Variants in PPP6R3 observed in about 807,000 individuals in gnomAD.
PPP6R3 encodes protein phosphatase 6 regulatory subunit 3.
Under a neutral mutation model 110.7 loss-of-function variants are expected in PPP6R3, and 38 were observed. The observed-to-expected ratio is 0.34, with a 90% CI of 0.26 to 0.45. The LOEUF is 0.45. Ranked by LOEUF, PPP6R3 falls within the 20% of genes least tolerant of loss-of-function variation. PPP6R3 has a pLI of 1.00. For synonymous variants in PPP6R3, 369 were observed against 373.5 expected, an observed-to-expected ratio of 0.99 and a Z score of 0.14; for missense variants, 870 against 1,062.4, an observed-to-expected ratio of 0.82 and a Z score of 2.52.
At chr11:68,612,869 A>G (rs1056458436) in intron 23 of PPP6R3, 197 bp from the exon 24 acceptor site, 10 of 1,073,770 alleles carry the variant, frequency 9.3e-6, no homozygotes, top group Non-Finnish European at 1.3e-5. Flanking sequence ...TCACCCGGTG[A>G]TGAAGCTTAG....
chr11:68,493,162 C>T (rs1348342933), intron 1 of PPP6R3, among the ~76,000 whole-genome samples: 2 of 152,172 alleles, frequency 1.3e-5, no homozygotes, highest in African/African-American at 4.8e-5. Flanking sequence ...TATGTAGGGT[C>T]TAAGTGCTAA....
intron 1 of PPP6R3, among the ~76,000 whole-genome samples, chr11:68,464,727 C>T (rs1358469215): frequency 6.6e-6 from 1 of 152,084 alleles, no homozygotes; most frequent in East Asian, 1.9e-4. Flanking sequence ...CATGAAAATA[C>T]ATTACCATAC....
intron 1 of PPP6R3, among the ~76,000 whole-genome samples, chr11:68,518,264 A>G (rs1036904089): frequency 6.6e-6 from 1 of 152,218 alleles, no homozygotes; most frequent in African/African-American, 2.4e-5. Context: ...AAGTGATTGA[A>G]ATTATCACCA....
intron 16 of PPP6R3, among the ~76,000 whole-genome samples, chr11:68,588,982 G>A (rs1358456893): frequency 2.0e-5 from 3 of 152,004 alleles, no homozygotes; most frequent in South Asian, 4.2e-4. Flanking sequence ...CGAGCCGGGC[G>A]GATCACTTGA....
In PPP6R3 at chr11:68,583,069, C is replaced by A; in HGVS notation, c.1572C>A (p.Ser524=). 1 of 1,543,044 alleles carries A rather than the reference C, an allele frequency of 6.5e-7. No homozygotes were observed. Among genetic ancestry groups the A allele is most frequent in the Non-Finnish European group, 8.8e-7 (1 of 1,141,036 alleles). ...DLVTTCHIHS[S]SDDEIDFKET... ...TTACAACCTGCCATATTCATTCATCCAGTGATGATGAAATTGACTTTAAAG... is the reference window on the plus strand; with the variant it reads ...TTACAACCTGCCATATTCATTCATCAAGTGATGATGAAATTGACTTTAAAG... Residue 524 remains serine, a synonymous_variant, in exon 15 of 24, where the codon TCC becomes TCA. Transcript: ENST00000393800.
chr11:68,489,813 T>G (rs991472594), intron 1 of PPP6R3, among the ~76,000 whole-genome samples: 5 of 152,068 alleles, frequency 3.3e-5, no homozygotes, highest in African/African-American at 9.7e-5. Context: ...TATTGTGACA[T>G]TTGCTTTTTT....
At chr11:68,470,310 C>T (rs1315213556) in intron 1 of PPP6R3, among the ~76,000 whole-genome samples, 1 of 151,858 alleles carries the variant, frequency 6.6e-6, no homozygotes, top group Non-Finnish European at 1.5e-5. Context: ...AGCCACAAGG[C>T]TGTGGGTGGC....
intron 15 of PPP6R3, among the ~76,000 whole-genome samples, chr11:68,583,645 C>T (rs2099569498): frequency 1.3e-5 from 2 of 152,162 alleles, no homozygotes; most frequent in African/African-American, 4.8e-5. Flanking sequence ...CCCTTTACCA[C>T]CTGCTTATAA....
intron 18 of PPP6R3, among the ~76,000 whole-genome samples, chr11:68,594,499 T>A (rs1396343420): frequency 1.3e-5 from 2 of 152,080 alleles, no homozygotes; most frequent in Admixed American, 1.3e-4. Flanking sequence ...TCTATTTTTT[T>A]AAAAAAAGAA....
At position 68,554,595 on chromosome 11, in the gene PPP6R3, T is replaced by C. The variant is rs186552905; in HGVS notation, c.731+338T>C. On this transcript the variant is annotated intron_variant, in intron 7 of 23. Coordinates refer to ENST00000393800, the MANE Select transcript of PPP6R3 (RefSeq NM_001164161.2). ...AAGAATAGTCTTGTGTAAGTACGAA[T>C]GTTGTGCATTTTATTCAGCAGCTTT... 3.3e-5 allele frequency among the ~76,000 whole-genome samples: 5 copies of C among 152,322 alleles called. 1 individual carries two copies. The highest frequency in any genetic ancestry group is 3.3e-4 in the Admixed American group (5 of 15,308).
chr11:68,588,780 G>C (rs991502705), intron 16 of PPP6R3, among the ~76,000 whole-genome samples: 2 of 150,616 alleles, frequency 1.3e-5, no homozygotes, highest in Non-Finnish European at 3.0e-5. Flanking sequence ...AAAAATCACT[G>C]CAAGGAAAGA....
intron 13 of PPP6R3, among the ~76,000 whole-genome samples, chr11:68,575,216 C>T (rs1194553540): frequency 6.6e-6 from 1 of 152,188 alleles, no homozygotes; most frequent in Non-Finnish European, 1.5e-5. Flanking sequence ...CCAGGTGGTA[C>T]ATGTGTACAC....
chr11:68,595,539 C>A (rs2099611371), intron 18 of PPP6R3, among the ~76,000 whole-genome samples: 1 of 151,930 alleles, frequency 6.6e-6, no homozygotes, highest in African/African-American at 2.4e-5. Context: ...TTTAGTAAGC[C>A]GAACATCATC....
chr11:68,516,197 G>A (rs2099135873), intron 1 of PPP6R3, among the ~76,000 whole-genome samples: 1 of 152,156 alleles, frequency 6.6e-6, no homozygotes, highest in South Asian at 2.1e-4. Context: ...TCCATTGTAT[G>A]TATATACAGG....
chr11:68,513,528 C>G (rs1361086058), intron 1 of PPP6R3, among the ~76,000 whole-genome samples: 2 of 152,176 alleles, frequency 1.3e-5, no homozygotes, highest in African/African-American at 2.4e-5. Context: ...ACAGCATGTA[C>G]TTAAAGAGTT....
At chr11:68,488,368 C>T (rs1050597661) in intron 1 of PPP6R3, among the ~76,000 whole-genome samples, 20 of 152,220 alleles carry the variant, frequency 1.3e-4, no homozygotes, top group Non-Finnish European at 2.4e-4. Flanking sequence ...GAGATGGTGT[C>T]TCGCTGTGTT....
chr11:68,567,100 G>T lies in PPP6R3; in HGVS notation c.1062G>T (p.Leu354=), dbSNP rs1246069179. 10 of 1,551,342 alleles carry T rather than the reference G, an allele frequency of 6.4e-6. No individual in the cohort carries two copies. The highest frequency in any genetic ancestry group is 8.7e-6 in the Non-Finnish European group (10 of 1,146,858). ...ATGTCATTAGGTTGATATCCAGCCT[G>T]CTTCAAACCAATACCAGCAGTATAA... is the stretch of plus-strand genomic sequence containing the variant. ...RLNVIRLISS[L]LQTNTSSING... The change falls in exon 10 of 24, where the codon CTG becomes CTT. Residue 354 remains leucine (L), a synonymous_variant. Transcript: ENST00000393800.
At chr11:68,504,066 C>T (rs1334258621) in intron 1 of PPP6R3, among the ~76,000 whole-genome samples, 1 of 152,212 alleles carries the variant, frequency 6.6e-6, no homozygotes, top group East Asian at 1.9e-4. Context: ...TTCTTTGATC[C>T]AGCAGATCCA....
rs1184012390 is a variant in PPP6R3, at chr11:68,613,453, A to G, written c.*336A>G. On this transcript the variant is annotated 3_prime_UTR_variant, in exon 24 of 24. Transcript: ENST00000393800. ...CTGTAAGAATAGTTTTATAAAAGTG[A>G]ATACACAGATCTATTGTATTTGAAA... 3 of 1,025,726 alleles carry G rather than the reference A, an allele frequency of 2.9e-6. No homozygotes were observed. The highest frequency in any genetic ancestry group is 1.8e-4 in the East Asian group (2 of 11,374). 63.5% of individuals were successfully genotyped at this position (1,025,726 alleles called of 1,614,324 possible).
Sources: allele counts gnomAD v4.1 joint callset (sites outside exome capture counted in the v4.1 genomes callset), GRCh38; gene constraint gnomAD v4.1.1; transcripts MANE v1.5; gene names NCBI Gene and HGNC (gene_info 2026-07-23, HGNC 2026-07-21).